The following SEMA6A variants were observed in gnomAD, a reference collection of about 807,000 sequenced individuals.
SEMA6A encodes semaphorin 6A.
Under a neutral mutation model 96.8 loss-of-function variants are expected in SEMA6A, and 25 were observed. That is an observed-to-expected ratio of 0.26 (90% CI 0.19 to 0.36). SEMA6A has a LOEUF of 0.36. Ranked by LOEUF, SEMA6A falls within the 10% of genes least tolerant of loss-of-function variation. SEMA6A has a pLI of 1.00. For synonymous variants in SEMA6A, 612 were observed against 518.0 expected, an observed-to-expected ratio of 1.18 and a Z score of -2.46; for missense variants, 1,363 against 1,323.1, an observed-to-expected ratio of 1.03 and a Z score of -0.47.
intron 18 of SEMA6A, among the ~76,000 whole-genome samples, chr5:116,466,569 A>G (rs1561474289): frequency 6.6e-6 from 1 of 152,116 alleles, no homozygotes. Context: ...AAGCAGATGA[A>G]AATGTAGCCT....
chr5:116,502,187 GACATGGGGAAAAGGCCCCTT>G lies in SEMA6A; in HGVS notation c.218+3_218+22del. 1 of 1,592,698 alleles carries G rather than the reference GACATGGGGAAAAGGCCCCTT, an allele frequency of 6.3e-7. No individual in the cohort carries two copies. On this transcript the variant is annotated splice_donor_5th_base_variant and intron_variant, in intron 3 of 18. Coordinates refer to ENST00000343348, the MANE Select transcript of SEMA6A (RefSeq NM_020796.5). ...TGGGCTTTTGGACACTCTCAAGGCA[GACATGGGGAAAAGGCCCCTT>G]ACCTAGCAGCAATGTAGAGGGTTCC...
At chr5:116,538,489 AATT>A (rs1759823386) in intron 1 of SEMA6A, among the ~76,000 whole-genome samples, 2 of 152,128 alleles carry the variant, frequency 1.3e-5, no homozygotes, top group Admixed American at 1.3e-4. Context: ...TGGGATAATG[AATT>A]ATTTTCAGGT....
intron 7 of SEMA6A, 29 bp from the exon 8 acceptor site, chr5:116,489,036 G>C (rs374838333): frequency 1.3e-6 from 2 of 1,545,906 alleles, no homozygotes; most frequent in Non-Finnish European, 1.7e-6. Flanking sequence ...GAGGTGAACA[G>C]GGTGGGAGCA....
chr5:116,548,157 A>G (rs1357160683), intron 1 of SEMA6A, among the ~76,000 whole-genome samples: 1 of 152,242 alleles, frequency 6.6e-6, no homozygotes, highest in Admixed American at 6.5e-5. Flanking sequence ...CAGGCCAGTT[A>G]TAATGCCTTC....
chr5:116,555,386 C>T (rs1181107388), intron 1 of SEMA6A, among the ~76,000 whole-genome samples: 1 of 152,142 alleles, frequency 6.6e-6, no homozygotes, highest in Non-Finnish European at 1.5e-5. Flanking sequence ...TGCTGTTTAG[C>T]AGTTCAGCTG....
rs1169067401 is a variant in SEMA6A at position 116,445,987 on chromosome 5, C to T, written c.*626G>A. The T allele has an allele frequency of 6.6e-6, 1 of 152,608 alleles. No homozygotes were observed. The highest frequency in any genetic ancestry group is 1.5e-5 in the Non-Finnish European group (1 of 68,032). 9.5% of individuals were successfully genotyped at this position (152,608 alleles called of 1,614,324 possible). On this transcript the variant is annotated 3_prime_UTR_variant, in exon 19 of 19. Transcript: ENST00000343348. Reference sequence around the variant, plus strand: ...GAGCAGAAATCTATGACATAGTTGCCCAACATGGCATTTATCTGCTGCAAC... The same window carrying T: ...GAGCAGAAATCTATGACATAGTTGCTCAACATGGCATTTATCTGCTGCAAC...
intron 1 of SEMA6A, among the ~76,000 whole-genome samples, chr5:116,549,361 G>A (rs942353479): frequency 3.3e-5 from 5 of 152,130 alleles, no homozygotes; most frequent in Non-Finnish European, 7.4e-5. Context: ...TTAGAAGCAG[G>A]AGGATCTTGA....
intron 6 of SEMA6A, among the ~76,000 whole-genome samples, chr5:116,494,444 C>T (rs1424648306): frequency 1.3e-5 from 2 of 152,280 alleles, no homozygotes; most frequent in African/African-American, 4.8e-5. Context: ...CTTGTAGAGC[C>T]TGTGTTTCTT....
chr5:116,561,343 T>G (rs186427288), intron 1 of SEMA6A, among the ~76,000 whole-genome samples: 113 of 152,296 alleles, frequency 7.4e-4, no homozygotes, highest in Non-Finnish European at 1.4e-3. Context: ...TGGGGAAACG[T>G]TATCTCCTTA....
Position 116,445,072 on chromosome 5 carries a change from A to T in SEMA6A, c.*1541T>A, listed in dbSNP as rs767552166. ...CAGCCAAAGGGTGGTTCCAGTTGGC[A>T]CAACTAGAAGGCAGTGTGAATTGGA... On this transcript the variant is annotated 3_prime_UTR_variant, in exon 19 of 19. Coordinates refer to ENST00000343348, the MANE Select transcript of SEMA6A (RefSeq NM_020796.5). 2 of 152,736 alleles carry T rather than the reference A, an allele frequency of 1.3e-5. No individual in the cohort carries two copies. The highest frequency in any genetic ancestry group is 2.9e-5 in the Non-Finnish European group (2 of 68,074). 9.5% of individuals were successfully genotyped at this position (152,736 alleles called of 1,614,324 possible).
chr5:116,567,394 C>G (rs1319762330), intron 1 of SEMA6A, among the ~76,000 whole-genome samples: 1 of 152,028 alleles, frequency 6.6e-6, no homozygotes, highest in Non-Finnish European at 1.5e-5. Context: ...TTTCCCCTGC[C>G]CCCCAGAATA....
At chr5:116,516,107 T>A (rs1319169844) in intron 1 of SEMA6A, among the ~76,000 whole-genome samples, 3 of 152,184 alleles carry the variant, frequency 2.0e-5, no homozygotes, top group African/African-American at 7.2e-5. Flanking sequence ...CCTCTTTCGA[T>A]GAGCTCTGAT....
At chr5:116,545,908 C>T (rs1306396366) in intron 1 of SEMA6A, among the ~76,000 whole-genome samples, 1 of 152,172 alleles carries the variant, frequency 6.6e-6, no homozygotes, top group Middle Eastern at 3.2e-3. Flanking sequence ...TTCTGCCATT[C>T]ATCATAACTC....
intron 1 of SEMA6A, among the ~76,000 whole-genome samples, chr5:116,525,583 C>T (rs1286871288): frequency 1.3e-5 from 2 of 152,208 alleles, no homozygotes; most frequent in Non-Finnish European, 2.9e-5. Context: ...AAACTTCCCA[C>T]CCACAGCCTT....
At chr5:116,463,212 A>T (rs972723005) in intron 18 of SEMA6A, among the ~76,000 whole-genome samples, 14 of 152,300 alleles carry the variant, frequency 9.2e-5, no homozygotes, top group African/African-American at 3.4e-4. Flanking sequence ...TCAAGAAGAT[A>T]ACGCAGAAGA....
chr5:116,482,645 A>G, intron 10 of SEMA6A, 70 bp from the exon 11 acceptor site: 1 of 1,530,176 alleles, frequency 6.5e-7, no homozygotes, highest in Non-Finnish European at 9.0e-7. Context: ...AACATACTCC[A>G]GAGAAACTTT....
intron 17 of SEMA6A, chr5:116,469,499 C>T (rs897175737): frequency 1.4e-4 from 22 of 151,952 alleles, no homozygotes; most frequent in African/African-American, 5.3e-4. Flanking sequence ...ATATGGTCAG[C>T]CTAAGAGAAA....
chr5:116,478,053 A>G lies in SEMA6A; in HGVS notation c.1529T>C (p.Val510Ala). 6.2e-7 allele frequency: 1 copy of G among 1,613,914 alleles called. No homozygotes were observed. The highest frequency in any genetic ancestry group is 8.5e-7 in the Non-Finnish European group (1 of 1,179,862). ...ATGTCGTTCACACCGGCCAAGGGGAACCTTTATCACACAGGTAGAGAACGC... is the reference window on the plus strand; with the variant it reads ...ATGTCGTTCACACCGGCCAAGGGGAGCCTTTATCACACAGGTAGAGAACGC... ...YVAFSTCVIK[V>A]PLGRCERHGK... Residue 510 changes from valine to alanine, a missense_variant, in exon 14 of 19, where the codon GTT becomes GCT. This residue lies in a region of SEMA6A where 883 missense variants were observed against 763.6 expected (regional missense o/e 1.16). Coordinates refer to ENST00000343348, the MANE Select transcript of SEMA6A (RefSeq NM_020796.5).
chr5:116,527,905 A>G (rs568882914), intron 1 of SEMA6A, among the ~76,000 whole-genome samples: 14 of 152,342 alleles, frequency 9.2e-5, no homozygotes, highest in African/African-American at 3.1e-4. Context: ...TCTAAAAAGC[A>G]TAAAGCAAAT....
Sources: gnomAD v4.1 joint callset for allele counts (sites outside exome capture counted in the v4.1 genomes callset) on GRCh38, gnomAD v4.1.1 for gene constraint, gnomAD v4.1.1 regional missense constraint, MANE v1.5 for transcripts, NCBI Gene and HGNC (gene_info 2026-07-23, HGNC 2026-07-21) for gene names.